The following CHN2 variants were observed in gnomAD, a reference collection of about 807,000 sequenced individuals.
The protein encoded by CHN2 is beta-chimaerin.
Under a neutral mutation model 56.3 loss-of-function variants are expected in CHN2, and 35 were observed. The observed-to-expected ratio is 0.62, with a 90% CI of 0.47 to 0.82. The LOEUF (loss-of-function observed/expected upper bound fraction) is 0.82. Among genes scored for constraint, CHN2 ranks in the 40% least tolerant of loss-of-function variants. The pLI is 0.00. For synonymous variants in CHN2, 210 were observed against 212.8 expected (o/e 0.99, Z 0.12); for missense variants, 491 against 580.5 (o/e 0.85, Z 1.58).
At chr7:29,337,232 G>A (rs978624458) in intron 1 of CHN2, among the ~76,000 whole-genome samples, 8 of 152,150 alleles carry the variant, frequency 5.3e-5, no homozygotes, top group African/African-American at 1.2e-4. Context: ...CCTTATGACC[G>A]TGCTGCTGAA....
intron 1 of CHN2, among the ~76,000 whole-genome samples, chr7:29,203,467 C>CAA (rs11287820): frequency 7.0e-3 from 381 of 54,650 alleles, no homozygotes; most frequent in Middle Eastern, 0.013. Context: ...AACTCCGTCT[C>CAA]AAAAAAAAAA....
At chr7:29,485,778 T>C (rs892048989) in intron 7 of CHN2, among the ~76,000 whole-genome samples, 1 of 152,086 alleles carries the variant, frequency 6.6e-6, no homozygotes, top group African/African-American at 2.4e-5. Context: ...TGATGATTCC[T>C]GGGCCCTGGA....
chr7:29,334,072 G>A (rs1256717769), intron 1 of CHN2, among the ~76,000 whole-genome samples: 13 of 117,338 alleles, frequency 1.1e-4, no homozygotes, highest in South Asian at 2.6e-4. Context: ...TTTTTTTTGA[G>A]ACTGAGTCTC....
chr7:29,447,143 G>T (rs145960383), intron 6 of CHN2, among the ~76,000 whole-genome samples: 194 of 152,286 alleles, frequency 1.3e-3, no homozygotes, highest in African/African-American at 4.6e-3. Context: ...CATCATCTAT[G>T]AGGGGACTAG....
chr7:29,390,366 G>A (rs765962320), intron 3 of CHN2, among the ~76,000 whole-genome samples: 1 of 152,188 alleles, frequency 6.6e-6, no homozygotes, highest in Non-Finnish European at 1.5e-5. Flanking sequence ...TCCGACAGCC[G>A]TCAGTCCTAC....
chr7:29,207,759 G>GCTGGC (rs1436631634), intron 1 of CHN2, among the ~76,000 whole-genome samples: 3 of 152,170 alleles, frequency 2.0e-5, no homozygotes, highest in African/African-American at 7.2e-5. Flanking sequence ...GATATCATCT[G>GCTGGC]CTGGCTCTTT....
intron 8 of CHN2, among the ~76,000 whole-genome samples, chr7:29,498,175 T>C (rs1052588458): frequency 6.6e-6 from 1 of 152,260 alleles, no homozygotes; most frequent in African/African-American, 2.4e-5. Context: ...TATTTGCTAT[T>C]TATTTTATTT....
chr7:29,164,801 A>AC (rs1795697505), intron 2 of CHN2, among the ~76,000 whole-genome samples: 1 of 142,214 alleles, frequency 7.0e-6, no homozygotes. Context: ...AAAAAAAAAA[A>AC]CAAAGATTAT....
chr7:29,426,621 C>T (rs1804886533), intron 6 of CHN2, among the ~76,000 whole-genome samples: 1 of 152,132 alleles, frequency 6.6e-6, no homozygotes, highest in Admixed American at 6.6e-5. Context: ...TAACAAATTA[C>T]CATAAACTTA....
At chr7:29,332,203 C>T (rs973812882) in intron 1 of CHN2, among the ~76,000 whole-genome samples, 3 of 152,170 alleles carry the variant, frequency 2.0e-5, no homozygotes, top group Non-Finnish European at 4.4e-5. Context: ...AAGCTTGGCC[C>T]CTTACCAGCT....
intron 4 of CHN2, among the ~76,000 whole-genome samples, chr7:29,394,568 T>G (rs10951221): frequency 0.14 from 20,941 of 152,148 alleles, 1,754 homozygotes; most frequent in Middle Eastern, 0.2. Flanking sequence ...TTGCCACAGC[T>G]GCATTTCAGA....
intron 6 of CHN2, among the ~76,000 whole-genome samples, chr7:29,471,866 A>C (rs1283257733): frequency 1.3e-5 from 2 of 152,208 alleles, no homozygotes; most frequent in Admixed American, 6.5e-5. Context: ...GAAAGACGGC[A>C]GGTCCCACCC....
chr7:29,316,668 C>T (rs1794973688), intron 1 of CHN2, among the ~76,000 whole-genome samples: 1 of 152,134 alleles, frequency 6.6e-6, no homozygotes, highest in South Asian at 2.1e-4. Flanking sequence ...GTAGCTAGAG[C>T]TGCTGCCCCC....
At position 29,356,126 on chromosome 7, in the gene CHN2, G is replaced by A. The variant is rs140792139; in HGVS notation, c.88+1463G>A. Among the ~76,000 whole-genome samples the A allele has an allele frequency of 9.2e-5, 14 of 152,076 alleles. No homozygotes were observed. The South Asian group carries it at 2.1e-3, about 23-fold the overall frequency. ...CTCATTTCACATGTAAGGAAACCAC[G>A]GCTCAGGGAGGCTAAGTAACTTGGT... is the stretch of plus-strand genomic sequence containing the variant. On this transcript the variant is annotated intron_variant, in intron 2 of 12. Coordinates refer to ENST00000222792, the MANE Select transcript of CHN2 (RefSeq NM_004067.4).
At chr7:29,279,414 C>T (rs1466049977) in intron 1 of CHN2, among the ~76,000 whole-genome samples, 1 of 152,258 alleles carries the variant, frequency 6.6e-6, no homozygotes, top group Non-Finnish European at 1.5e-5. Flanking sequence ...CACGAAGTGC[C>T]AAGTTAGTTG....
chr7:29,238,874 T>G (rs1258634894), intron 1 of CHN2, among the ~76,000 whole-genome samples: 1 of 151,836 alleles, frequency 6.6e-6, no homozygotes, highest in Non-Finnish European at 1.5e-5. Context: ...AGAGCCAGAG[T>G]GGCTGGAGAA....
chr7:29,245,171 T>A (rs1787972158), intron 1 of CHN2, among the ~76,000 whole-genome samples: 1 of 152,240 alleles, frequency 6.6e-6, no homozygotes, highest in South Asian at 2.1e-4. Flanking sequence ...TTATGGGAAC[T>A]TTATTACTTT....
At chr7:29,239,527 A>T (rs1458659356) in intron 1 of CHN2, among the ~76,000 whole-genome samples, 1 of 152,182 alleles carries the variant, frequency 6.6e-6, no homozygotes, top group Non-Finnish European at 1.5e-5. Context: ...TCAACAAGCC[A>T]TCCACTCTCA....
intron 7 of CHN2, among the ~76,000 whole-genome samples, chr7:29,494,520 G>A (rs1789027768): frequency 6.6e-6 from 1 of 152,110 alleles, no homozygotes. Context: ...GGCCCTGTAA[G>A]TCCTTCTGGG....
Sources: allele counts gnomAD v4.1 joint callset (sites outside exome capture counted in the v4.1 genomes callset), GRCh38; gene constraint gnomAD v4.1.1; transcripts MANE v1.5; gene names NCBI Gene and HGNC (gene_info 2026-07-23, HGNC 2026-07-21).